The following POC1A variants were observed in gnomAD, a reference collection of about 807,000 sequenced individuals.
POC1A encodes the protein POC1 centriolar protein A, also known as POC1 centriolar protein homolog A.
Under a neutral mutation model 47.8 loss-of-function variants are expected in POC1A, and 34 were observed. That is an observed-to-expected ratio of 0.71 (90% CI 0.54 to 0.95). The LOEUF (loss-of-function observed/expected upper bound fraction) is 0.95, where lower values mean the gene tolerates loss of function less well. POC1A is among the 40% of genes least tolerant of loss of function. POC1A has a pLI of 0.00. For missense variants in POC1A, 466 were observed against 528.3 expected (o/e 0.88, Z 1.16); for synonymous variants, 177 against 207.6 (o/e 0.85, Z 1.27).
intron 9 of POC1A, among the ~76,000 whole-genome samples, chr3:52,111,615 C>T (rs999194379): frequency 2.7e-5 from 4 of 146,880 alleles, no homozygotes; most frequent in African/African-American, 1.0e-4. Context: ...TATTGCATTC[C>T]AGCCTAGGCA....
chr3:52,083,499 C>T (rs912269488), intron 10 of POC1A, among the ~76,000 whole-genome samples: 36 of 152,170 alleles, frequency 2.4e-4, no homozygotes, highest in Admixed American at 7.9e-4. Context: ...CTGGCCACCT[C>T]CTCCCAGTGT....
At chr3:52,091,989 G>C (rs868248272) in intron 10 of POC1A, among the ~76,000 whole-genome samples, 2 of 152,322 alleles carry the variant, frequency 1.3e-5, no homozygotes, top group South Asian at 4.1e-4. Flanking sequence ...TGGCTCACTG[G>C]GTGAACAGAG....
chr3:52,149,902 G>A lies in POC1A; in HGVS notation c.189C>T (p.Ala63=), dbSNP rs532398743. The part of the protein sequence containing the change: ...RAYRFTGHKD[A]VTCVNFSPSG... ...AAGGAGAGAAGTTCACACAGGTGAC[G>A]GCATCCTTGTGGCCAGTGAAGCGGT... The change falls in exon 3 of 11, where the codon GCC becomes GCT. Residue 63 remains alanine, a synonymous_variant. Transcript: ENST00000296484. The A allele has an allele frequency of 2.0e-4, 315 of 1,613,974 alleles. 5 individuals are homozygous for A. In the South Asian group the frequency reaches 3.1e-3, roughly 16 times the overall value.
intron 10 of POC1A, among the ~76,000 whole-genome samples, chr3:52,095,085 T>C (rs55664484): frequency 0.038 from 5,769 of 152,336 alleles, 180 homozygotes; most frequent in Non-Finnish European, 0.052. Flanking sequence ...AATTTTATCC[T>C]ATAAAGTTCT....
At chr3:52,094,884 C>CCA (rs1488289557) in intron 10 of POC1A, among the ~76,000 whole-genome samples, 2 of 152,302 alleles carry the variant, frequency 1.3e-5, no homozygotes, top group East Asian at 3.9e-4. Context: ...AGGCCACAGG[C>CCA]CACAGGCCAG....
At chr3:52,114,472 A>T (rs886868664) in intron 9 of POC1A, among the ~76,000 whole-genome samples, 2 of 152,206 alleles carry the variant, frequency 1.3e-5, no homozygotes, top group Non-Finnish European at 2.9e-5. Context: ...ACACATGAGC[A>T]TGCATGTGCA....
intron 9 of POC1A, among the ~76,000 whole-genome samples, chr3:52,098,406 C>G (rs1477263155): frequency 6.6e-6 from 1 of 152,186 alleles, no homozygotes; most frequent in African/African-American, 2.4e-5. Flanking sequence ...TGAGCTCAGC[C>G]TCTGGAAGCA....
At chr3:52,107,372 C>A (rs1265719838) in intron 9 of POC1A, among the ~76,000 whole-genome samples, 1 of 152,268 alleles carries the variant, frequency 6.6e-6, no homozygotes, top group African/African-American at 2.4e-5. Context: ...CAGGCCCACA[C>A]TCCTGCTGAG....
At chr3:52,093,889 T>C (rs958946399) in intron 10 of POC1A, among the ~76,000 whole-genome samples, 1 of 152,214 alleles carries the variant, frequency 6.6e-6, no homozygotes, top group African/African-American at 2.4e-5. Flanking sequence ...AAGGCAGGCT[T>C]TGAAGACTGT....
chr3:52,117,066 T>C (rs917391086), intron 9 of POC1A, among the ~76,000 whole-genome samples: 3 of 151,934 alleles, frequency 2.0e-5, no homozygotes, highest in African/African-American at 7.3e-5. Context: ...TGCACGCTTG[T>C]ATTCCCAGCT....
At chr3:52,115,768 G>A (rs1703542025) in intron 9 of POC1A, among the ~76,000 whole-genome samples, 1 of 152,086 alleles carries the variant, frequency 6.6e-6, no homozygotes, top group Non-Finnish European at 1.5e-5. Context: ...AAACCCGTTG[G>A]TGCTTTGCTT....
At chr3:52,115,604 G>A (rs1472003718) in intron 9 of POC1A, among the ~76,000 whole-genome samples, 3 of 152,142 alleles carry the variant, frequency 2.0e-5, no homozygotes, top group Non-Finnish European at 2.9e-5. Flanking sequence ...TGGGGCCTTT[G>A]GGAGGTGATT....
rs1702395940 is a variant in POC1A at position 52,084,486 on chromosome 3, G to A, written c.1126-8501C>T. On this transcript the variant is annotated intron_variant, in intron 10 of 10. Transcript: ENST00000296484. The surrounding 1 kb of genome is among the most constrained non-coding windows in gnomAD (Gnocchi z 4.3). The stretch of plus-strand genomic sequence containing the variant: ...AAACAAGGGACCCTAGCTCTTGGGG[G>A]CTTCCGAGCACTGACACAGCTGCAG... 1.3e-5 allele frequency among the ~76,000 whole-genome samples: 2 copies of A among 152,198 alleles called. No individual in the cohort carries two copies. The highest frequency in any genetic ancestry group is 4.1e-4 in the South Asian group (2 of 4,824).
At chr3:52,114,182 C>T (rs1176988997) in intron 9 of POC1A, among the ~76,000 whole-genome samples, 1 of 152,356 alleles carries the variant, frequency 6.6e-6, no homozygotes, top group East Asian at 1.9e-4. Flanking sequence ...TAGTATCCAC[C>T]TTCCACCTTC....
At chr3:52,144,749 C>T (rs1374477489) in intron 6 of POC1A, among the ~76,000 whole-genome samples, 2 of 152,230 alleles carry the variant, frequency 1.3e-5, no homozygotes, top group Non-Finnish European at 2.9e-5. Context: ...AGAGCCCACT[C>T]TCCACCATGT....
At chr3:52,153,886 T>A (rs1308741592) in intron 1 of POC1A, among the ~76,000 whole-genome samples, 5 of 152,260 alleles carry the variant, frequency 3.3e-5, no homozygotes, top group South Asian at 2.1e-4. Flanking sequence ...AAATGAGGAC[T>A]TCTGGAGGAA....
chr3:52,136,726 C>T (rs541336049), intron 7 of POC1A, among the ~76,000 whole-genome samples: 2 of 152,304 alleles, frequency 1.3e-5, no homozygotes, highest in East Asian at 1.9e-4. Flanking sequence ...CAAGGCAATG[C>T]GCCATGGTCC....
intron 9 of POC1A, among the ~76,000 whole-genome samples, chr3:52,111,652 T>TAAAA (rs59028696): frequency 9.5e-5 from 9 of 95,142 alleles, no homozygotes; most frequent in African/African-American, 2.5e-4. Context: ...GTCTCAAAAT[T>TAAAA]AAAAAAAAAA....
chr3:52,147,740 G>A lies in POC1A; in HGVS notation c.456-645C>T, dbSNP rs114011390. Reference sequence around the variant, plus strand: ...ATTACAGACATGCACCTTCAAGCTCGGCCTATGACTTAATTTTAAATGTTA... The same window carrying A: ...ATTACAGACATGCACCTTCAAGCTCAGCCTATGACTTAATTTTAAATGTTA... On this transcript the variant is annotated intron_variant, in intron 4 of 10. Transcript: ENST00000296484. Among the ~76,000 whole-genome samples, 1,199 of 152,016 alleles carry A rather than the reference G, an allele frequency of 7.9e-3. 9 individuals are homozygous for A. The highest frequency in any genetic ancestry group is 0.027 in the African/African-American group (1,124 of 41,448).
Sources: gnomAD v4.1 joint callset for allele counts (sites outside exome capture counted in the v4.1 genomes callset) on GRCh38, gnomAD v4.1.1 for gene constraint, Gnocchi (gnomAD v3.1) non-coding constraint, MANE v1.5 for transcripts, NCBI Gene and HGNC (gene_info 2026-07-23, HGNC 2026-07-21) for gene names.